DPYD: variants seen among roughly 807,000 people sequenced by gnomAD.
DPYD encodes dihydropyrimidine dehydrogenase, also known as dihydropyrimidine dehydrogenase [NADP(+)].
Under a neutral mutation model 116.2 loss-of-function variants are expected in DPYD, and 109 were observed. The ratio of observed to expected loss-of-function variants is 0.94; its 90% CI spans 0.80 to 1.10. The LOEUF is 1.10. Among genes scored for constraint, DPYD ranks in the 50% least tolerant of loss-of-function variants. The pLI is 0.00. For missense variants in DPYD, 1,302 were observed against 1,254.5 expected, an observed-to-expected ratio of 1.04 and a Z score of -0.57; for synonymous variants, 440 against 432.0, an observed-to-expected ratio of 1.02 and a Z score of -0.23.
chr1:97,663,224 T>C (rs1361908385), intron 8 of DPYD, among the ~76,000 whole-genome samples: 1 of 152,194 alleles, frequency 6.6e-6, no homozygotes, highest in Non-Finnish European at 1.5e-5. Context: ...TTCCTGGATA[T>C]TTCCACCAGG....
chr1:97,859,488 C>T (rs537844682), intron 2 of DPYD, among the ~76,000 whole-genome samples: 2 of 152,196 alleles, frequency 1.3e-5, no homozygotes, highest in South Asian at 2.1e-4. Flanking sequence ...AAGGGGAGAA[C>T]GCTAAGTGAA....
At chr1:97,902,000 C>A (rs1032905868) in intron 1 of DPYD, among the ~76,000 whole-genome samples, 5 of 151,754 alleles carry the variant, frequency 3.3e-5, no homozygotes, top group African/African-American at 1.2e-4. Flanking sequence ...CAATTGAAAT[C>A]CACATAGTCT....
intron 8 of DPYD, among the ~76,000 whole-genome samples, chr1:97,643,565 C>T (rs1658060252): frequency 6.6e-6 from 1 of 152,144 alleles, no homozygotes; most frequent in Non-Finnish European, 1.5e-5. Flanking sequence ...TACCATTTGA[C>T]CCAGCAATCC....
chr1:97,100,628 G>A (rs1187753384), intron 20 of DPYD, among the ~76,000 whole-genome samples: 1 of 151,908 alleles, frequency 6.6e-6, no homozygotes, highest in Non-Finnish European at 1.5e-5. Context: ...TTTTGTAAAG[G>A]CCATTCAAAA....
At chr1:97,546,874 G>A (rs1650909543) in intron 12 of DPYD, 1 of 1,609,398 alleles carries the variant, frequency 6.2e-7, no homozygotes, top group African/African-American at 1.3e-5. Context: ...GTGGGATACA[G>A]CAATAGAGGG....
intron 14 of DPYD, among the ~76,000 whole-genome samples, chr1:97,409,289 C>T (rs531057840): frequency 1.2e-3 from 179 of 152,166 alleles, no homozygotes; most frequent in African/African-American, 3.9e-3. Flanking sequence ...CTCTCATTAA[C>T]TATGATTGAA....
chr1:97,781,457 A>G lies in DPYD; in HGVS notation c.234-40978T>C, dbSNP rs558875692. 3.0e-4 allele frequency among the ~76,000 whole-genome samples: 46 copies of G among 152,302 alleles called. No individual in the cohort carries two copies. The South Asian group carries it at 6.2e-3, about 21-fold the overall frequency. ...GCATCCATTGAGCACCTACTGTATA[A>G]CATGTTCCATGCATGTTTAGTTACA... On this transcript the variant is annotated intron_variant, in intron 3 of 22. Coordinates refer to ENST00000370192, the MANE Select transcript of DPYD (RefSeq NM_000110.4).
intron 3 of DPYD, among the ~76,000 whole-genome samples, chr1:97,791,847 C>T (rs1417434965): frequency 6.6e-6 from 1 of 151,892 alleles, no homozygotes; most frequent in Non-Finnish European, 1.5e-5. Flanking sequence ...TTTTATGTTA[C>T]ATTGTAGGAA....
At chr1:97,500,674 A>G (rs922911244) in intron 13 of DPYD, among the ~76,000 whole-genome samples, 7 of 152,084 alleles carry the variant, frequency 4.6e-5, no homozygotes, top group Non-Finnish European at 8.8e-5. Flanking sequence ...TTACATTCTG[A>G]CACACATTTT....
chr1:97,478,410 C>T (rs1490727546), intron 13 of DPYD, among the ~76,000 whole-genome samples: 2 of 152,156 alleles, frequency 1.3e-5, no homozygotes, highest in African/African-American at 4.8e-5. Context: ...GCCTCAGCCT[C>T]CCAAGTAGCT....
At chr1:97,488,905 G>A (rs1055365528) in intron 13 of DPYD, among the ~76,000 whole-genome samples, 15 of 152,170 alleles carry the variant, frequency 9.9e-5, no homozygotes, top group African/African-American at 3.4e-4. Context: ...CTGCTGCTCT[G>A]GGCACACTCT....
At chr1:97,284,957 C>A (rs1665568538) in intron 18 of DPYD, among the ~76,000 whole-genome samples, 1 of 152,104 alleles carries the variant, frequency 6.6e-6, no homozygotes, top group African/African-American at 2.4e-5. Flanking sequence ...TGTGAATTGC[C>A]CTGCTTTTTC....
intron 1 of DPYD, among the ~76,000 whole-genome samples, chr1:97,898,355 T>C (rs1182783380): frequency 1.3e-5 from 2 of 151,844 alleles, no homozygotes; most frequent in Non-Finnish European, 2.9e-5. Context: ...TCTAGCTTCC[T>C]TGGTCTCCCT....
At chr1:97,515,700 A>T (rs750989945) in intron 13 of DPYD, 26 bp downstream of exon 13, 1 of 1,593,312 alleles carries the variant, frequency 6.3e-7, no homozygotes, top group South Asian at 1.1e-5. Context: ...AGACATTTCT[A>T]TATGACTTCA....
chr1:97,233,209 T>C (rs182892511), intron 19 of DPYD, among the ~76,000 whole-genome samples: 1 of 152,206 alleles, frequency 6.6e-6, no homozygotes, highest in Non-Finnish European at 1.5e-5. Flanking sequence ...CACTGACACA[T>C]CCCTGGCTAA....
chr1:97,093,595 A>G (rs1650035543), intron 21 of DPYD, among the ~76,000 whole-genome samples: 1 of 152,194 alleles, frequency 6.6e-6, no homozygotes, highest in Non-Finnish European at 1.5e-5. Context: ...CATTTCACAG[A>G]TTAGTTAGCT....
chr1:97,513,125 G>A (rs894113612), intron 13 of DPYD, among the ~76,000 whole-genome samples: 3 of 151,354 alleles, frequency 2.0e-5, no homozygotes, highest in East Asian at 1.9e-4. Context: ...ATGGTCTATC[G>A]GTGCTACAGC....
At chr1:97,864,773 T>C (rs890467330) in intron 2 of DPYD, among the ~76,000 whole-genome samples, 3 of 151,864 alleles carry the variant, frequency 2.0e-5, no homozygotes, top group Non-Finnish European at 4.4e-5. Flanking sequence ...GATTTATTAA[T>C]AGTAACAAAG....
intron 5 of DPYD, chr1:97,700,361 A>T (rs1661530422): frequency 2.3e-6 from 1 of 443,672 alleles, no homozygotes; most frequent in Non-Finnish European, 4.5e-6. Context: ...TATGACAAAA[A>T]CCTAAAGATC....
Sources: allele counts gnomAD v4.1 joint callset (sites outside exome capture counted in the v4.1 genomes callset), GRCh38; gene constraint gnomAD v4.1.1; transcripts MANE v1.5; gene names NCBI Gene and HGNC (gene_info 2026-07-23, HGNC 2026-07-21).